ATP6V1B2: variants seen among roughly 807,000 people sequenced by gnomAD.
The protein encoded by ATP6V1B2 is ATPase H+ transporting V1 subunit B2, also known as V-type proton ATPase subunit B, brain isoform.
In ATP6V1B2, 23 loss-of-function variants were observed where a neutral mutation model predicts 66.7. The ratio of observed to expected loss-of-function variants is 0.34; its 90% CI spans 0.25 to 0.49. The LOEUF is 0.49. Among genes scored for constraint, ATP6V1B2 ranks in the 20% least tolerant of loss-of-function variants. ATP6V1B2 has a pLI of 0.99. For synonymous variants in ATP6V1B2, 278 were observed against 236.7 expected (o/e 1.17, Z -1.60); for missense variants, 478 against 650.8 (o/e 0.73, Z 2.89).
chr8:20,198,813 T>G (rs1287717672), intron 1 of ATP6V1B2, among the ~76,000 whole-genome samples: 1 of 152,196 alleles, frequency 6.6e-6, no homozygotes, highest in Non-Finnish European at 1.5e-5. Flanking sequence ...GATGTGCCTT[T>G]TACAGTAACT....
At position 20,221,696 on chromosome 8, in the gene ATP6V1B2, A is replaced by C. The variant is rs2072908426; in HGVS notation, c.*1294A>C. On this transcript the variant is annotated 3_prime_UTR_variant, in exon 14 of 14. Transcript: ENST00000276390. ...TAAATGTTAAATTAAATGGACCTTA[A>C]CTAAAGTGACTCTCTATCTTCTAAC... The C allele has an allele frequency of 6.6e-6, 1 of 152,660 alleles. No individual in the cohort carries two copies. Among genetic ancestry groups the C allele is most frequent in the African/African-American group, 2.4e-5 (1 of 41,468 alleles). The allele number at this position is 152,660 out of a possible 1,614,324, so 9.5% of individuals were successfully genotyped here. A position where few individuals can be genotyped will look rare whatever the true frequency, so the allele number is the denominator to read the frequency against.
intron 1 of ATP6V1B2, 137 bp from the exon 2 acceptor site, chr8:20,204,347 A>G: frequency 1.4e-6 from 1 of 699,588 alleles, no homozygotes; most frequent in Non-Finnish European, 2.3e-6. Flanking sequence ...AAATGCATTG[A>G]AAAATTTTGT....
intron 2 of ATP6V1B2, 146 bp downstream of exon 2, chr8:20,204,685 C>T (rs1405326440): frequency 1.7e-6 from 1 of 590,116 alleles, no homozygotes. Context: ...TACCATGATA[C>T]CCTGGGCTAT....
chr8:20,210,348 A>G lies in ATP6V1B2; in HGVS notation c.294A>G (p.Val98=), dbSNP rs745971696. ...TCATTAATTCTTTTTCTTGATAGGT[A>G]TTTGAAGGGACTTCAGGTATAGATG... The part of the protein sequence containing the change: ...EVSGSKAVVQ[V]FEGTSGIDAK... Residue 98 remains valine (V), a splice_region_variant and synonymous_variant, in exon 4 of 14, where the codon GTA becomes GTG. Coordinates refer to ENST00000276390, the MANE Select transcript of ATP6V1B2 (RefSeq NM_001693.4). 3.7e-6 allele frequency: 6 copies of G among 1,611,408 alleles called. No homozygotes were observed. Among genetic ancestry groups the G allele is most frequent in the Non-Finnish European group, 5.1e-6 (6 of 1,178,402 alleles).
In ATP6V1B2 at chr8:20,214,985, G is replaced by A; in HGVS notation, c.1078+17G>A. The A allele has an allele frequency of 6.2e-7, 1 of 1,610,420 alleles. No individual in the cohort carries two copies. The highest frequency in any genetic ancestry group is 8.5e-7 in the Non-Finnish European group (1 of 1,178,060). ...CTAATGATGGTAAGTTTTGGTATTT[G>A]GATTATAACACACCTAATCATTTTA... On this transcript the variant is annotated intron_variant, in intron 10 of 13. Transcript: ENST00000276390.
At chr8:20,212,007 A>G (rs960217860) in intron 7 of ATP6V1B2, 95 bp from the exon 8 acceptor site, 1 of 1,234,680 alleles carries the variant, frequency 8.1e-7, no homozygotes, top group Non-Finnish European at 1.1e-6. Context: ...AGGTTTTAAA[A>G]GAAGGAACAA....
intron 8 of ATP6V1B2, 91 bp downstream of exon 8, chr8:20,212,290 A>ACTG: frequency 1.7e-6 from 2 of 1,199,544 alleles, no homozygotes; most frequent in Non-Finnish European, 2.4e-6. Context: ...TAATAACAGC[A>ACTG]TTTGGACCTA....
intron 2 of ATP6V1B2, among the ~76,000 whole-genome samples, chr8:20,208,750 C>T (rs1379403007): frequency 2.0e-5 from 3 of 150,050 alleles, no homozygotes; most frequent in African/African-American, 7.4e-5. Flanking sequence ...TTCTATCAGC[C>T]AGGCTGGAGT....
intron 11 of ATP6V1B2, 47 bp downstream of exon 11, chr8:20,216,542 G>T: frequency 6.5e-7 from 1 of 1,534,690 alleles, no homozygotes; most frequent in Non-Finnish European, 9.0e-7. Context: ...CTGCTCATCC[G>T]TTATTCTTTA....
At chr8:20,198,114 G>C (rs182605116) in intron 1 of ATP6V1B2, among the ~76,000 whole-genome samples, 1 of 152,320 alleles carries the variant, frequency 6.6e-6, no homozygotes, top group African/African-American at 2.4e-5. Flanking sequence ...AGATATCAGA[G>C]AACGCTAGAG....
At chr8:20,211,516 AG>A (rs2072792954) in intron 6 of ATP6V1B2, 135 bp from the exon 7 acceptor site, 11 of 1,268,250 alleles carry the variant, frequency 8.7e-6, no homozygotes, top group Non-Finnish European at 1.2e-5. Context: ...AGTACAAAAT[AG>A]TTTTGTTGAA....
chr8:20,210,522 T>C (rs2072782322), intron 4 of ATP6V1B2, 47 bp from the exon 5 acceptor site: 2 of 1,609,284 alleles, frequency 1.2e-6, no homozygotes, highest in African/African-American at 2.7e-5. Flanking sequence ...ATTATGAACA[T>C]TTGAAAGTCA....
rs765067631 is a variant in ATP6V1B2 at position 20,210,598 on chromosome 8, A to G, written c.415A>G (p.Ile139Val). Reference sequence around the variant, plus strand: ...GGTATTCAATGGATCGGGAAAACCCATTGACAGAGGTCCTGTTGTACTGGC... The same window carrying G: ...GGTATTCAATGGATCGGGAAAACCCGTTGACAGAGGTCCTGTTGTACTGGC... ...GRVFNGSGKP[I>V]DRGPVVLAED... The change falls in exon 5 of 14, where the codon ATT (isoleucine) becomes GTT (valine). Residue 139 changes from isoleucine (I) to valine (V), a missense_variant. Physicochemically the swap from Ile to Val is conservative, Grantham distance 29. Around this residue, in one of 2 missense-constraint regions of ATP6V1B2, gnomAD observed 326 missense variants for 545.6 expected, o/e 0.60. Coordinates refer to ENST00000276390, the MANE Select transcript of ATP6V1B2 (RefSeq NM_001693.4). 2.3e-5 allele frequency: 37 copies of G among 1,613,714 alleles called. No homozygotes were observed. Among genetic ancestry groups the G allele is most frequent in the Non-Finnish European group, 3.0e-5 (35 of 1,179,780 alleles).
intron 1 of ATP6V1B2, among the ~76,000 whole-genome samples, chr8:20,198,107 T>C (rs1222024631): frequency 6.6e-6 from 1 of 152,204 alleles, no homozygotes; most frequent in Non-Finnish European, 1.5e-5. Flanking sequence ...GACACCTAGA[T>C]ATCAGAGAAC....
chr8:20,198,351 A>G (rs2072649864), intron 1 of ATP6V1B2, among the ~76,000 whole-genome samples: 1 of 152,226 alleles, frequency 6.6e-6, no homozygotes, highest in East Asian at 1.9e-4. Context: ...TCTTTGGGGA[A>G]GCCAGGTGGC....
At chr8:20,216,694 ACTTTC>A (rs1481799893) in intron 11 of ATP6V1B2, 199 bp downstream of exon 11, 1 of 475,954 alleles carries the variant, frequency 2.1e-6, no homozygotes, top group Non-Finnish European at 3.7e-6. Flanking sequence ...TCTTCTTAAC[ACTTTC>A]CTTTATTGTG....
intron 1 of ATP6V1B2, among the ~76,000 whole-genome samples, chr8:20,199,945 T>C (rs1220472838): frequency 4.6e-5 from 7 of 151,854 alleles, no homozygotes; most frequent in Non-Finnish European, 7.4e-5. Context: ...TTGTAATTTT[T>C]TGTGAATTGA....
intron 12 of ATP6V1B2, 21 bp from the exon 13 acceptor site, chr8:20,218,132 G>C: frequency 6.2e-7 from 1 of 1,610,134 alleles, no homozygotes; most frequent in Non-Finnish European, 8.5e-7. Flanking sequence ...CTCTGCTGAT[G>C]GGTGCCTTTC....
At chr8:20,197,657 C>A in intron 1 of ATP6V1B2, 115 bp downstream of exon 1, 1 of 1,236,034 alleles carries the variant, frequency 8.1e-7, no homozygotes, top group African/African-American at 1.6e-5. Context: ...CCTCCCGCGT[C>A]TCCCCTCCGA....
Sources: gnomAD v4.1 joint callset for allele counts (sites outside exome capture counted in the v4.1 genomes callset) on GRCh38, gnomAD v4.1.1 for gene constraint, gnomAD v4.1.1 regional missense constraint, MANE v1.5 for transcripts, NCBI Gene and HGNC (gene_info 2026-07-23, HGNC 2026-07-21) for gene names.